The following PPP2R2B variants were observed in gnomAD, a reference collection of about 807,000 sequenced individuals.
PPP2R2B encodes the protein serine/threonine-protein phosphatase 2A 55 kDa regulatory subunit B beta isoform.
A neutral mutation model predicts 46.0 loss-of-function variants in PPP2R2B; 5 were observed. The ratio of observed to expected loss-of-function variants is 0.11; its 90% CI spans 0.06 to 0.23. The LOEUF is 0.23. Among genes scored for constraint, PPP2R2B ranks in the 10% least tolerant of loss-of-function variants. The probability of loss-of-function intolerance (pLI) is 1.00; values close to 1 mark genes in which losing one functional copy is unlikely to be tolerated. For missense variants in PPP2R2B, 367 were observed against 575.0 expected (o/e 0.64, Z 3.70); for synonymous variants, 215 against 206.7 (o/e 1.04, Z -0.34).
chr5:146,889,090 T>C (rs1174140659), intron 1 of PPP2R2B, among the ~76,000 whole-genome samples: 1 of 152,222 alleles, frequency 6.6e-6, no homozygotes, highest in Non-Finnish European at 1.5e-5. Context: ...CTACTAGTTA[T>C]GCTAATATAT....
chr5:146,844,225 G>T, intron 2 of PPP2R2B, among the ~76,000 whole-genome samples: 1 of 100,490 alleles, frequency 1.0e-5, no homozygotes, highest in Admixed American at 1.3e-4. Context: ...AGGGGGGCGG[G>T]ATAGCATTGG....
At chr5:147,027,286 C>T (rs1755568331) in intron 1 of PPP2R2B, among the ~76,000 whole-genome samples, 1 of 152,056 alleles carries the variant, frequency 6.6e-6, no homozygotes, top group South Asian at 2.1e-4. Flanking sequence ...CTAAATACCA[C>T]TGCATTGTTC....
At chr5:146,832,379 C>CTTTTTT (rs34269274) in intron 2 of PPP2R2B, among the ~76,000 whole-genome samples, 71 of 70,186 alleles carry the variant, frequency 1.0e-3, no homozygotes, top group Non-Finnish European at 1.2e-3. Context: ...CATTTTTAAT[C>CTTTTTT]TTTTTTTTTT....
At chr5:146,950,667 C>A (rs1240607748) in intron 1 of PPP2R2B, among the ~76,000 whole-genome samples, 1 of 151,896 alleles carries the variant, frequency 6.6e-6, no homozygotes, top group African/African-American at 2.4e-5. Flanking sequence ...ACATAGTATC[C>A]CTAGAAAGAC....
chr5:146,967,957 C>G (rs547115433), intron 1 of PPP2R2B, among the ~76,000 whole-genome samples: 1 of 152,318 alleles, frequency 6.6e-6, no homozygotes, highest in African/African-American at 2.4e-5. Flanking sequence ...TTCTCAAAGA[C>G]AGCCCACTCA....
chr5:146,711,206 C>T (rs991563074), intron 2 of PPP2R2B, among the ~76,000 whole-genome samples: 2 of 151,922 alleles, frequency 1.3e-5, no homozygotes, highest in Admixed American at 6.6e-5. Context: ...AGCTGAGTCT[C>T]TTAGTATATA....
intron 5 of PPP2R2B, among the ~76,000 whole-genome samples, chr5:146,655,324 T>C (rs1226794513): frequency 6.6e-6 from 1 of 152,168 alleles, no homozygotes; most frequent in African/African-American, 2.4e-5. Context: ...AGTTGTAATA[T>C]TCCTGGGAAG....
chr5:146,990,482 C>A, intron 1 of PPP2R2B, among the ~76,000 whole-genome samples: 1 of 151,774 alleles, frequency 6.6e-6, no homozygotes, highest in South Asian at 2.1e-4. Flanking sequence ...AAAAACAGTC[C>A]CAATAAATGG....
At position 146,878,503 on chromosome 5, in the gene PPP2R2B, C is replaced by A; in HGVS notation, c.-125+88G>T. The A allele has an allele frequency of 7.6e-7, 1 of 1,315,622 alleles. No homozygotes were observed. 81.5% of individuals were successfully genotyped at this position (1,315,622 alleles called of 1,614,324 possible). ...AAATGCAAAAAAGATCCCTCCTCCC[C>A]CTGGGAGAGCGGGCAGCCGCGACAA... is the stretch of plus-strand genomic sequence containing the variant. On this transcript the variant is annotated intron_variant, in intron 1 of 9. Coordinates refer to ENST00000394411, the MANE Select transcript of PPP2R2B (RefSeq NM_181675.4). The surrounding 1 kb of genome is among the most constrained non-coding windows in gnomAD (Gnocchi z 4.5).
chr5:146,815,540 C>G (rs924486458), intron 2 of PPP2R2B, among the ~76,000 whole-genome samples: 1 of 152,214 alleles, frequency 6.6e-6, no homozygotes, highest in Non-Finnish European at 1.5e-5. Flanking sequence ...CAGGAGTGCA[C>G]GCAAGTGAAA....
chr5:146,776,949 C>T (rs1453473031), intron 2 of PPP2R2B, among the ~76,000 whole-genome samples: 1 of 152,026 alleles, frequency 6.6e-6, no homozygotes, highest in Non-Finnish European at 1.5e-5. Flanking sequence ...CACTAAGATA[C>T]TACTTCACAT....
chr5:146,759,668 T>C (rs980750188), intron 2 of PPP2R2B, among the ~76,000 whole-genome samples: 3 of 152,180 alleles, frequency 2.0e-5, no homozygotes, highest in African/African-American at 7.2e-5. Flanking sequence ...TGCAGGTATC[T>C]TCATCTATAC....
At chr5:146,591,617 C>T (rs568130128) in intron 9 of PPP2R2B, among the ~76,000 whole-genome samples, 1 of 148,468 alleles carries the variant, frequency 6.7e-6, no homozygotes, top group South Asian at 2.1e-4. Flanking sequence ...CATACTTTGA[C>T]GTTTGCTTGC....
chr5:147,040,775 A>G (rs1278000816), intron 1 of PPP2R2B: 2 of 450,830 alleles, frequency 4.4e-6, no homozygotes, highest in East Asian at 7.0e-5. Context: ...CTGTGTGTAA[A>G]TAGGGCCAAT....
intron 1 of PPP2R2B, among the ~76,000 whole-genome samples, chr5:146,966,865 A>G (rs988367392): frequency 1.3e-4 from 20 of 152,192 alleles, no homozygotes; most frequent in Admixed American, 1.2e-3. Flanking sequence ...CTCTATAATC[A>G]GCCTGCTTAG....
intron 7 of PPP2R2B, among the ~76,000 whole-genome samples, chr5:146,607,472 A>G (rs1036155234): frequency 3.9e-5 from 6 of 152,190 alleles, no homozygotes; most frequent in African/African-American, 7.2e-5. Context: ...AATTCAACAA[A>G]CAGTTGTTTG....
intron 2 of PPP2R2B, among the ~76,000 whole-genome samples, chr5:146,804,802 G>A (rs559814401): frequency 1.8e-3 from 272 of 152,202 alleles, no homozygotes; most frequent in African/African-American, 6.3e-3. Context: ...GGAGCAGGTC[G>A]CCTGAGGAGA....
At chr5:147,014,197 C>T (rs1404651815) in intron 1 of PPP2R2B, among the ~76,000 whole-genome samples, 4 of 132,766 alleles carry the variant, frequency 3.0e-5, no homozygotes, top group African/African-American at 5.6e-5. Flanking sequence ...TACCATCTCA[C>T]ACCAGTTAGA....
intron 1 of PPP2R2B, among the ~76,000 whole-genome samples, chr5:147,027,212 T>C (rs2151888952): frequency 6.6e-6 from 1 of 152,290 alleles, no homozygotes; most frequent in Admixed American, 6.5e-5. Context: ...TTATATCAAG[T>C]TCTACAAGGA....
Sources: allele counts gnomAD v4.1 joint callset (sites outside exome capture counted in the v4.1 genomes callset), GRCh38; gene constraint gnomAD v4.1.1; non-coding constraint Gnocchi (gnomAD v3.1); transcripts MANE v1.5; gene names NCBI Gene and HGNC (gene_info 2026-07-23, HGNC 2026-07-21).